Variants in TTC34 observed in about 807,000 individuals in gnomAD.
TTC34 encodes tetratricopeptide repeat protein 34.
A neutral mutation model predicts 40.7 loss-of-function variants in TTC34; 44 were observed. That is an observed-to-expected ratio of 1.08 (90% CI 0.85 to 1.39). The LOEUF (loss-of-function observed/expected upper bound fraction) is 1.39. Ranked by LOEUF, TTC34 falls within the 40% of genes most tolerant of loss-of-function variation. The probability of loss-of-function intolerance (pLI) is 0.00; values close to 1 mark genes in which losing one functional copy is unlikely to be tolerated. For synonymous variants in TTC34, 422 were observed against 398.6 expected, an observed-to-expected ratio of 1.06 and a Z score of -0.70; for missense variants, 884 against 838.0, an observed-to-expected ratio of 1.05 and a Z score of -0.68.
intron 2 of TTC34, among the ~76,000 whole-genome samples, chr1:2,798,151 TCTTAGCCCC>T (rs1643729548): frequency 1.9e-5 from 1 of 51,490 alleles, no homozygotes; most frequent in Non-Finnish European, 3.6e-5. Flanking sequence ...CCTCTCAGCC[TCTTAGCCCC>T]TCAGCTCCCC....
Position 2,769,509 on chromosome 1 carries a change from C to A in TTC34, c.2226+14100G>T, listed in dbSNP as rs866378943. Among the ~76,000 whole-genome samples the A allele has an allele frequency of 2.5e-3, 282 of 110,662 alleles. 5 individuals carry two copies. Among genetic ancestry groups the A allele is most frequent in the African/African-American group, 0.011 (261 of 23,430 alleles). 72.6% of individuals were successfully genotyped at this position (110,662 alleles called of 152,430 possible). On this transcript the variant is annotated intron_variant, in intron 6 of 8. Transcript: ENST00000401095. ...GACATCCTGGAACAGCACCCCACACCCCCAGTGAGCATCTGACAACCTGGA... is the reference window on the plus strand; with the variant it reads ...GACATCCTGGAACAGCACCCCACACACCCAGTGAGCATCTGACAACCTGGA...
Position 2,792,006 on chromosome 1 carries a change from CTTTTTTTTTTTT to C in TTC34, c.785-1672_785-1661del, listed in dbSNP as rs376632144. On this transcript the variant is annotated intron_variant, in intron 2 of 8. Transcript: ENST00000401095. Reference sequence around the variant, plus strand: ...TGTTCAACTCTAGACTTGCCATATGCTTTTTTTTTTTTTTTTTTTTTTTTTTTAAAGACAGGG... The same window carrying C: ...TGTTCAACTCTAGACTTGCCATATGCTTTTTTTTTTTTTTTAAAGACAGGG... Among the ~76,000 whole-genome samples the C allele has an allele frequency of 1.5e-4, 6 of 39,522 alleles. 1 individual carries two copies. The South Asian group carries it at 2.8e-3, about 19-fold the overall frequency. The allele number at this position is 39,522 out of a possible 152,430, so 25.9% of individuals were successfully genotyped here.
rs1347424242 is a variant in TTC34 at position 2,752,140 on chromosome 1, G to A, written c.2226+31469C>T. On this transcript the variant is annotated intron_variant, in intron 6 of 8. Coordinates refer to ENST00000401095, the Ensembl canonical transcript of TTC34. The stretch of plus-strand genomic sequence containing the variant: ...GAGCAACACCCACGCCCCCAGGTGC[G>A]CATGTGATGGTCTGGAGCAGCACCC... Among the ~76,000 whole-genome samples, 14 of 108,670 alleles carry A rather than the reference G, an allele frequency of 1.3e-4. 1 individual carries two copies. Among genetic ancestry groups the A allele is most frequent in the Admixed American group, 1.9e-4 (2 of 10,348 alleles). 71.3% of individuals were successfully genotyped at this position (108,670 alleles called of 152,430 possible).
chr1:2,761,016 A>T (rs1404144051), intron 6 of TTC34, among the ~76,000 whole-genome samples: 2 of 73,372 alleles, frequency 2.7e-5, no homozygotes, highest in Admixed American at 2.5e-4. Flanking sequence ...AGAGGTGAGC[A>T]TATGACCACC....
At chr1:2,767,981 T>G (rs1361162962) in intron 6 of TTC34, among the ~76,000 whole-genome samples, 2 of 149,494 alleles carry the variant, frequency 1.3e-5, no homozygotes, top group Admixed American at 1.3e-4. Context: ...ACAGGTGATG[T>G]GACTGCGTGG....
intron 6 of TTC34, among the ~76,000 whole-genome samples, chr1:2,684,792 C>T (rs1226261781): frequency 1.2e-4 from 15 of 128,260 alleles, no homozygotes; most frequent in East Asian, 2.2e-4. Context: ...GAACAGCACC[C>T]ACACCCCCAG....
Position 2,785,813 on chromosome 1 carries a change from T to C in TTC34, c.2059+6A>G, listed in dbSNP as rs1557689850. On this transcript the variant is annotated splice_donor_region_variant and intron_variant, in intron 5 of 8. Coordinates refer to ENST00000401095, the Ensembl canonical transcript of TTC34. Reference sequence around the variant, plus strand: ...TGGGCCCTGGGGGCAGGTGGGCAGCTCCTACCTGCGGCAAAGATGGCCAGA... The same window carrying C: ...TGGGCCCTGGGGGCAGGTGGGCAGCCCCTACCTGCGGCAAAGATGGCCAGA... 1.9e-6 allele frequency: 3 copies of C among 1,542,954 alleles called. No homozygotes were observed. The highest frequency in any genetic ancestry group is 8.7e-7 in the Non-Finnish European group (1 of 1,143,310).
chr1:2,685,209 G>C (rs1239863176), intron 6 of TTC34, among the ~76,000 whole-genome samples: 3 of 140,936 alleles, frequency 2.1e-5, no homozygotes, highest in Admixed American at 7.2e-5. Flanking sequence ...CCCCAGGTGA[G>C]CATCTGACAT....
rs151083747 is a variant in TTC34 at position 2,797,848 on chromosome 1, C to T, written c.784+2196G>A. Among the ~76,000 whole-genome samples the T allele has an allele frequency of 2.4e-3, 369 of 152,132 alleles. 1 individual carries two copies. The highest frequency in any genetic ancestry group is 8.5e-3 in the African/African-American group (351 of 41,448). ...AGTTGCTCATCATGAACTCAGAAAA[C>T]GTTCCTGACCCTCCTTCTCTGTGCC... On this transcript the variant is annotated intron_variant, in intron 2 of 8. Transcript: ENST00000401095.
chr1:2,768,239 G>T (rs575614119), intron 6 of TTC34, among the ~76,000 whole-genome samples: 15 of 151,938 alleles, frequency 9.9e-5, no homozygotes, highest in Middle Eastern at 3.4e-3. Flanking sequence ...GAGGTTGGGA[G>T]TGCCATTCCA....
chr1:2,652,024 C>G (rs79208841), intron 6 of TTC34, among the ~76,000 whole-genome samples: 3 of 2,044 alleles, frequency 1.5e-3, no homozygotes, highest in African/African-American at 3.4e-3. Context: ...CACCTGACAT[C>G]GTGGAGCAGC....
At position 2,645,614 on chromosome 1, in the gene TTC34, T is replaced by C. The variant is rs530770977; in HGVS notation, c.2227-51A>G. On this transcript the variant is annotated intron_variant, in intron 6 of 8. Coordinates refer to ENST00000401095, the Ensembl canonical transcript of TTC34. The surrounding 1 kb of genome is among the most constrained non-coding windows in gnomAD (Gnocchi z 4.7). ...GCAGAGTTGTCCTAAGTAGAGAAAC[T>C]GGGCAGAGGGTCAGAGTAGGAGGAC... 103 of 1,431,220 alleles carry C rather than the reference T, an allele frequency of 7.2e-5. 1 individual carries two copies. The African/African-American group carries it at 8.7e-4, about 12-fold the overall frequency. The allele number at this position is 1,431,220 out of a possible 1,614,324, so 88.7% of individuals were successfully genotyped here. A position where few individuals can be genotyped will look rare whatever the true frequency, so the allele number is the denominator to read the frequency against.
At chr1:2,787,209 C>A (rs1039165129) in intron 4 of TTC34, among the ~76,000 whole-genome samples, 3 of 152,196 alleles carry the variant, frequency 2.0e-5, no homozygotes, top group Non-Finnish European at 4.4e-5. Context: ...GAAGCAAGTA[C>A]GACAAAGCAG....
At chr1:2,684,767 G>T (rs1243705690) in intron 6 of TTC34, among the ~76,000 whole-genome samples, 1 of 128,694 alleles carries the variant, frequency 7.8e-6, no homozygotes, top group Admixed American at 7.7e-5. Context: ...CCCCAGGTGA[G>T]CATCTGACGG....
rs909521015 is a variant in TTC34 at position 2,777,695 on chromosome 1, G to T, written c.2226+5914C>A. 8.6e-5 allele frequency among the ~76,000 whole-genome samples: 13 copies of T among 151,882 alleles called. 1 individual carries two copies. The South Asian group carries it at 2.1e-3, about 24-fold the overall frequency. On this transcript the variant is annotated intron_variant, in intron 6 of 8. Coordinates refer to ENST00000401095, the Ensembl canonical transcript of TTC34. ...GTGAAGAGGCAGAGGGCATGGGGGG[G>T]GGGGCGCAGCATCAGCCCATATCCT...
At chr1:2,675,168 G>T (rs1235340058) in intron 6 of TTC34, among the ~76,000 whole-genome samples, 824 of 58,198 alleles carry the variant, frequency 0.014, 32 homozygotes, top group Non-Finnish European at 0.022. Flanking sequence ...CACCCCCAGG[G>T]GAGCATCTGA....
intron 6 of TTC34, among the ~76,000 whole-genome samples, chr1:2,695,099 G>GCACCCATACGCCCAGATGA (rs1640801297): frequency 3.6e-5 from 1 of 27,462 alleles, no homozygotes. Context: ...TGACAACCTG[G>GCACCCATACGCCCAGATGA]AACAGCACCC....
At chr1:2,750,056 C>T (rs1407772162) in intron 6 of TTC34, among the ~76,000 whole-genome samples, 2,477 of 107,788 alleles carry the variant, frequency 0.023, 519 homozygotes, top group African/African-American at 0.11. Context: ...CTCAGGTGAG[C>T]ATCTGACAGC....
rs1431901278 is a variant in TTC34, at chr1:2,760,447, C to A, written c.2226+23162G>T. The stretch of plus-strand genomic sequence containing the variant: ...ACAGCCTGGAGCAGCATCCACACAC[C>A]CAGGCGAGAATCTGACAGCCTGGAA... On this transcript the variant is annotated intron_variant, in intron 6 of 8. Transcript: ENST00000401095. Among the ~76,000 whole-genome samples, 2 of 55,320 alleles carry A rather than the reference C, an allele frequency of 3.6e-5. 1 individual carries two copies. Among genetic ancestry groups the A allele is most frequent in the African/African-American group, 5.0e-4 (2 of 4,030 alleles). The allele number at this position is 55,320 out of a possible 152,430, so 36.3% of individuals were successfully genotyped here. A position where few individuals can be genotyped will look rare whatever the true frequency, so the allele number is the denominator to read the frequency against.
Sources: gnomAD v4.1 joint callset for allele counts (sites outside exome capture counted in the v4.1 genomes callset) on GRCh38, gnomAD v4.1.1 for gene constraint, Gnocchi (gnomAD v3.1) non-coding constraint, MANE v1.5 for transcripts, NCBI Gene and HGNC (gene_info 2026-07-23, HGNC 2026-07-21) for gene names.